The following TCF4 variants were observed in gnomAD, a reference collection of about 807,000 sequenced individuals.
The protein encoded by TCF4 is SL3-3 enhancer factor 2.
TCF4 carries 3 observed loss-of-function variants against 82.1 expected under a neutral mutation model. That is an observed-to-expected ratio of 0.04 (90% CI 0.02 to 0.09). The LOEUF is 0.09. TCF4 is among the 10% of genes least tolerant of loss of function. The probability of loss-of-function intolerance (pLI) is 1.00; values close to 1 mark genes in which losing one functional copy is unlikely to be tolerated. For synonymous variants in TCF4, 276 were observed against 309.6 expected (o/e 0.89, Z 1.14); for missense variants, 518 against 852.7 (o/e 0.61, Z 4.89).
chr18:55,416,295 C>T (rs1206446515), intron 5 of TCF4, among the ~76,000 whole-genome samples: 1 of 152,094 alleles, frequency 6.6e-6, no homozygotes, highest in Non-Finnish European at 1.5e-5. Flanking sequence ...ACAAAGACTA[C>T]ATTATTTACT....
intron 10 of TCF4, among the ~76,000 whole-genome samples, chr18:55,272,156 A>G (rs1227587352): frequency 6.6e-6 from 1 of 152,162 alleles, no homozygotes; most frequent in Non-Finnish European, 1.5e-5. Context: ...CAGAATAAAA[A>G]GAAAAATTAA....
At chr18:55,373,204 T>C in intron 6 of TCF4, among the ~76,000 whole-genome samples, 1 of 151,472 alleles carries the variant, frequency 6.6e-6, no homozygotes, top group African/African-American at 2.4e-5. Context: ...ATATAAAAAA[T>C]ATGTAATATA....
intron 17 of TCF4, chr18:55,231,298 T>C (rs1160466096): frequency 2.0e-5 from 3 of 152,194 alleles, no homozygotes; most frequent in African/African-American, 7.2e-5. Flanking sequence ...AATAGGAACT[T>C]TTCTTCCAAA....
chr18:55,396,939 A>C (rs1489629277), intron 6 of TCF4, among the ~76,000 whole-genome samples: 1 of 152,210 alleles, frequency 6.6e-6, no homozygotes, highest in Non-Finnish European at 1.5e-5. Context: ...ATAAATGTGG[A>C]AGGAATGATG....
At chr18:55,381,035 A>AAT (rs2091821257) in intron 6 of TCF4, among the ~76,000 whole-genome samples, 1 of 152,196 alleles carries the variant, frequency 6.6e-6, no homozygotes, top group Admixed American at 6.5e-5. Flanking sequence ...TCTAACACAA[A>AAT]ATATATCTCG....
Position 55,586,213 on chromosome 18 carries a change from CA to C in TCF4, c.72+831del, listed in dbSNP as rs1329032423. 5.2e-6 allele frequency: 5 copies of C among 965,226 alleles called. No homozygotes were observed. The African/African-American group carries it at 8.8e-5, about 17-fold the overall frequency. The allele number at this position is 965,226 out of a possible 1,614,324, so 59.8% of individuals were successfully genotyped here. On this transcript the variant is annotated intron_variant, in intron 2 of 19. Transcript: ENST00000354452. ...GCAGCAGCAGCAGCAGCAGCAGCAG[CA>C]GCAGCAGCAGCAGCATGAAAGAGCC... is the stretch of plus-strand genomic sequence containing the variant.
At chr18:55,404,861 A>C (rs1421068849) in intron 5 of TCF4, among the ~76,000 whole-genome samples, 1 of 152,268 alleles carries the variant, frequency 6.6e-6, no homozygotes, top group East Asian at 1.9e-4. Context: ...TCTTAAAATT[A>C]ACCCCGTTTC....
rs1400330421 is a variant in TCF4, at chr18:55,474,745, AT to A, written c.146-10609del. ...CATTCTTCCCATATTTTACATTTTT[AT>A]TTTTTTTAAGTTTTGGGGTTTTTGT... On this transcript the variant is annotated intron_variant, in intron 3 of 19. Coordinates refer to ENST00000354452, the MANE Select transcript of TCF4 (RefSeq NM_001083962.2). Among the ~76,000 whole-genome samples, 3 of 150,162 alleles carry A rather than the reference AT, an allele frequency of 2.0e-5. No individual in the cohort carries two copies. In the South Asian group the frequency reaches 6.4e-4, roughly 32 times the overall value.
At chr18:55,361,947 C>T (rs893727083) in intron 6 of TCF4, among the ~76,000 whole-genome samples, 14 of 152,132 alleles carry the variant, frequency 9.2e-5, no homozygotes, top group African/African-American at 2.2e-4. Context: ...GAAAAATATT[C>T]GAAGATGCAT....
At position 55,506,683 on chromosome 18, in the gene TCF4, A is replaced by G. The variant is rs376359394; in HGVS notation, c.146-42546T>C. ...AGGGATAGGTTTTAAGATCTCCAGC[A>G]GATGCCTGAAACCTCAGATAGCACA... On this transcript the variant is annotated intron_variant, in intron 3 of 19. Coordinates refer to ENST00000354452, the MANE Select transcript of TCF4 (RefSeq NM_001083962.2). 5.4e-4 allele frequency among the ~76,000 whole-genome samples: 82 copies of G among 152,320 alleles called. 1 individual carries two copies. The South Asian group carries it at 0.014, about 27-fold the overall frequency.
At chr18:55,625,529 G>A (rs1450753822) in intron 2 of TCF4, among the ~76,000 whole-genome samples, 3 of 152,100 alleles carry the variant, frequency 2.0e-5, no homozygotes, top group Non-Finnish European at 4.4e-5. Context: ...GAGCCACTGT[G>A]CCCAGCCAAG....
At chr18:55,302,102 T>G (rs1326833601) in intron 8 of TCF4, among the ~76,000 whole-genome samples, 3 of 152,218 alleles carry the variant, frequency 2.0e-5, no homozygotes, top group Non-Finnish European at 2.9e-5. Flanking sequence ...TCAGCAGTCC[T>G]CTATTCCTAA....
Position 55,388,807 on chromosome 18 carries a change from A to G in TCF4, c.369+14647T>C, listed in dbSNP as rs573196213. ...AATCTCTCTAAATCTCAGTTTCTTT[A>G]TCAATAAAACTGGATTAAAAATAAT... is the stretch of plus-strand genomic sequence containing the variant. On this transcript the variant is annotated intron_variant, in intron 6 of 19. Coordinates refer to ENST00000354452, the MANE Select transcript of TCF4 (RefSeq NM_001083962.2). Among the ~76,000 whole-genome samples the G allele has an allele frequency of 3.3e-5, 5 of 152,288 alleles. No individual in the cohort carries two copies. The South Asian group carries it at 1.0e-3, about 32-fold the overall frequency.
intron 5 of TCF4, among the ~76,000 whole-genome samples, chr18:55,412,352 T>G (rs1418579382): frequency 6.6e-6 from 1 of 151,782 alleles, no homozygotes; most frequent in Admixed American, 6.6e-5. Flanking sequence ...GAAGGCTGTT[T>G]TTTTTTTTTT....
intron 2 of TCF4, among the ~76,000 whole-genome samples, chr18:55,611,925 T>C (rs2147964842): frequency 6.6e-6 from 1 of 152,222 alleles, no homozygotes; most frequent in East Asian, 1.9e-4. Context: ...CTCGTCACCA[T>C]GCCCAGCTCA....
intron 3 of TCF4, among the ~76,000 whole-genome samples, chr18:55,518,768 A>C (rs2096907194): frequency 6.6e-6 from 1 of 152,188 alleles, no homozygotes; most frequent in Admixed American, 6.5e-5. Flanking sequence ...TTTTTGCTGT[A>C]AATCTGTTTA....
At chr18:55,267,271 TTTC>T (rs1355916040) in intron 11 of TCF4, 1 of 152,190 alleles carries the variant, frequency 6.6e-6, no homozygotes, top group Non-Finnish European at 1.5e-5. Context: ...CAACGTAATA[TTTC>T]TTTACTTCCT....
chr18:55,455,179 C>CAAAAAAAAAAAAAAAAAAAAAAAA, intron 5 of TCF4, among the ~76,000 whole-genome samples: 1 of 67,474 alleles, frequency 1.5e-5, no homozygotes, highest in South Asian at 6.7e-4. Context: ...GACTCTGTCT[C>CAAAAAAAAAAAAAAAAAAAAAAAA]AAAAAAAAAA....
intron 3 of TCF4, among the ~76,000 whole-genome samples, chr18:55,500,810 C>T (rs1461337661): frequency 6.6e-6 from 1 of 152,156 alleles, no homozygotes; most frequent in African/African-American, 2.4e-5. Context: ...AGGTGGTTCT[C>T]CCCCATATGC....
Sources: gnomAD v4.1 joint callset for allele counts (sites outside exome capture counted in the v4.1 genomes callset) on GRCh38, gnomAD v4.1.1 for gene constraint, MANE v1.5 for transcripts, NCBI Gene and HGNC (gene_info 2026-07-23, HGNC 2026-07-21) for gene names.